Variants in POTEJ observed in about 807,000 individuals in gnomAD.
POTEJ encodes POTE ankyrin domain family, member J.
POTEJ carries 11 observed loss-of-function variants against 69.0 expected under a neutral mutation model. The ratio of observed to expected loss-of-function variants is 0.16; its 90% CI spans 0.10 to 0.26. POTEJ has a LOEUF of 0.26. POTEJ is among the 10% of genes least tolerant of loss of function. The probability of loss-of-function intolerance (pLI) is 1.00; values close to 1 mark genes in which losing one functional copy is unlikely to be tolerated. For missense variants in POTEJ, 327 were observed against 1,045.5 expected (o/e 0.31, Z 9.48); for synonymous variants, 117 against 381.1 (o/e 0.31, Z 8.07).
chr2:130,649,371 C>A (rs1686717138), intron 13 of POTEJ, among the ~76,000 whole-genome samples: 1 of 152,262 alleles, frequency 6.6e-6, no homozygotes, highest in South Asian at 2.1e-4. Context: ...ATCTTTCTCT[C>A]TGTCCTGACA....
chr2:130,656,568 A>C lies in POTEJ; in HGVS notation c.1808A>C (p.Lys603Thr). 16 of 1,609,514 alleles carry C rather than the reference A, an allele frequency of 9.9e-6. No homozygotes were observed. Among genetic ancestry groups the C allele is most frequent in the Non-Finnish European group, 1.4e-5 (16 of 1,179,836 alleles). ...ACTTAGCTTTCTCTTAGTTGTAAGA[A>C]AGAAAGAGACTTCTTGCATGAAAAT... ...MNSELSLSCK[K>T]ERDFLHENSM... Residue 603 changes from lysine (K) to threonine (T), a missense_variant, in exon 15 of 15, where the codon AAA becomes ACA. Lys to Thr is a moderately conservative substitution (Grantham distance 78). Transcript: ENST00000409602.
chr2:130,612,139 CCAAT>C (rs1211855439), intron 1 of POTEJ, among the ~76,000 whole-genome samples, 197 bp downstream of exon 1: 5 of 150,466 alleles, frequency 3.3e-5, no homozygotes, highest in Non-Finnish European at 6.0e-5. Flanking sequence ...TAGCTGATTT[CCAAT>C]CAAATTATAA....
chr2:130,614,486 G>A (rs1685358666), intron 1 of POTEJ, among the ~76,000 whole-genome samples: 1 of 149,458 alleles, frequency 6.7e-6, no homozygotes, highest in African/African-American at 2.5e-5. Context: ...AACTATTGAG[G>A]GTGTCAGTAG....
At chr2:130,612,546 G>T (rs879648219) in intron 1 of POTEJ, among the ~76,000 whole-genome samples, 2 of 152,286 alleles carry the variant, frequency 1.3e-5, no homozygotes, top group African/African-American at 4.8e-5. Flanking sequence ...GGATCACGAG[G>T]TCAGGAGATC....
intron 9 of POTEJ, among the ~76,000 whole-genome samples, chr2:130,636,407 A>C (rs1686093435): frequency 6.8e-6 from 1 of 146,456 alleles, no homozygotes; most frequent in Admixed American, 6.9e-5. Flanking sequence ...TTGTATCTTG[A>C]CATCAACGCT....
At chr2:130,634,154 C>T (rs1181567416) in intron 9 of POTEJ, among the ~76,000 whole-genome samples, 2 of 152,240 alleles carry the variant, frequency 1.3e-5, no homozygotes, top group African/African-American at 2.4e-5. Context: ...AGGCAGTGGG[C>T]TGGATTTGGC....
intron 5 of POTEJ, chr2:130,622,721 C>T (rs1029451132): frequency 1.3e-5 from 2 of 150,402 alleles, no homozygotes; most frequent in African/African-American, 5.0e-5. Context: ...TTTTCAAACT[C>T]TAGCTCACAG....
At chr2:130,626,144 CA>C (rs1266218738) in intron 6 of POTEJ, among the ~76,000 whole-genome samples, 1 of 149,994 alleles carries the variant, frequency 6.7e-6, no homozygotes, top group Non-Finnish European at 1.5e-5. Context: ...CTTCCTGTAA[CA>C]TTTCATTGGC....
At chr2:130,626,665 C>A (rs1191442059) in intron 6 of POTEJ, among the ~76,000 whole-genome samples, 5 of 152,204 alleles carry the variant, frequency 3.3e-5, no homozygotes, top group African/African-American at 9.7e-5. Context: ...GTTCTTTACC[C>A]TGTAAAGAAA....
intron 9 of POTEJ, among the ~76,000 whole-genome samples, chr2:130,636,032 C>T (rs1686074004): frequency 6.9e-6 from 1 of 144,388 alleles, no homozygotes; most frequent in East Asian, 2.0e-4. Context: ...TCCTGATTAT[C>T]TCCCTTGCTC....
intron 9 of POTEJ, among the ~76,000 whole-genome samples, chr2:130,634,814 C>T (rs1351365478): frequency 6.7e-6 from 1 of 148,302 alleles, no homozygotes; most frequent in East Asian, 2.0e-4. Context: ...ACTGTCCACA[C>T]TCACGAACTC....
chr2:130,656,193 T>C (rs1476596713), intron 14 of POTEJ, among the ~76,000 whole-genome samples: 4 of 144,662 alleles, frequency 2.8e-5, no homozygotes, highest in African/African-American at 5.2e-5. Flanking sequence ...TTGTTAATCT[T>C]ATATTTTATG....
chr2:130,625,697 G>C (rs556564447), intron 6 of POTEJ, among the ~76,000 whole-genome samples: 793 of 142,358 alleles, frequency 5.6e-3, no homozygotes, highest in African/African-American at 0.016. Flanking sequence ...CAAGATGCTT[G>C]AGTGAACATG....
intron 14 of POTEJ, among the ~76,000 whole-genome samples, chr2:130,655,584 TTTTC>T (rs1235250509): frequency 6.6e-6 from 1 of 152,206 alleles, no homozygotes; most frequent in Non-Finnish European, 1.5e-5. Flanking sequence ...TTGATAAGTA[TTTTC>T]TTTCTGGAGA....
chr2:130,650,015 A>C (rs1179428852), intron 13 of POTEJ, among the ~76,000 whole-genome samples: 1 of 152,236 alleles, frequency 6.6e-6, no homozygotes, highest in South Asian at 2.1e-4. Flanking sequence ...ATGAAAAAAA[A>C]GAGAGATAAT....
intron 9 of POTEJ, among the ~76,000 whole-genome samples, chr2:130,632,886 T>C (rs1428632696): frequency 3.4e-5 from 5 of 146,136 alleles, no homozygotes; most frequent in African/African-American, 1.1e-4. Context: ...CATTTTCTTT[T>C]CTTTTTAGTG....
Position 130,613,384 on chromosome 2 carries a change from G to GTATATATATA in POTEJ, c.410+1459_410+1468dup, listed in dbSNP as rs753097212. ...TATACATATATATGTGTGTGTGTGT[G>GTATATATATA]TATATATATATATATATATATATAT... On this transcript the variant is annotated intron_variant, in intron 1 of 14. Coordinates refer to ENST00000409602, the MANE Select transcript of POTEJ (RefSeq NM_001277083.2). Among the ~76,000 whole-genome samples, 32 of 83,544 alleles carry GTATATATATA rather than the reference G, an allele frequency of 3.8e-4. 1 individual carries two copies. The highest frequency in any genetic ancestry group is 1.3e-3 in the African/African-American group (29 of 21,802). 54.8% of individuals were successfully genotyped at this position (83,544 alleles called of 152,430 possible).
intron 10 of POTEJ, among the ~76,000 whole-genome samples, chr2:130,639,389 G>A (rs1686249256): frequency 6.6e-6 from 1 of 152,306 alleles, no homozygotes; most frequent in Non-Finnish European, 1.5e-5. Flanking sequence ...CTGTTTTGAA[G>A]TTGAAAGAGA....
intron 9 of POTEJ, among the ~76,000 whole-genome samples, chr2:130,634,098 A>C (rs1232303505): frequency 6.6e-6 from 1 of 152,196 alleles, no homozygotes; most frequent in African/African-American, 2.4e-5. Flanking sequence ...TGGACTGTAA[A>C]GTGAATAAGC....
Sources: allele counts gnomAD v4.1 joint callset (sites outside exome capture counted in the v4.1 genomes callset), GRCh38; gene constraint gnomAD v4.1.1; transcripts MANE v1.5; gene names NCBI Gene and HGNC (gene_info 2026-07-23, HGNC 2026-07-21).